Variants in SH3GL1 observed in about 807,000 individuals in gnomAD.
SH3GL1 encodes SH3 domain containing GRB2 like 1, endophilin A2, also known as endophilin-A2.
SH3GL1 carries 21 observed loss-of-function variants against 48.8 expected under a neutral mutation model. That is an observed-to-expected ratio of 0.43 (90% CI 0.30 to 0.62). The LOEUF (loss-of-function observed/expected upper bound fraction) is 0.62, where lower values mean the gene tolerates loss of function less well. SH3GL1 is among the 20% of genes least tolerant of loss of function. SH3GL1 has a pLI of 0.11. For missense variants in SH3GL1, 454 were observed against 503.0 expected (o/e 0.90, Z 0.93); for synonymous variants, 282 against 217.5 (o/e 1.30, Z -2.61).
At position 4,361,492 on chromosome 19, in the gene SH3GL1, G is replaced by A. The variant is rs530458225; in HGVS notation, c.*108C>T. 351 of 849,636 alleles carry A rather than the reference G, an allele frequency of 4.1e-4. 3 individuals are homozygous for A. In the South Asian group the frequency reaches 5.1e-3, roughly 12 times the overall value. 52.6% of individuals were successfully genotyped at this position (849,636 alleles called of 1,614,324 possible). On this transcript the variant is annotated 3_prime_UTR_variant, in exon 10 of 10. Coordinates refer to ENST00000269886, the MANE Select transcript of SH3GL1 (RefSeq NM_003025.4). ...CAAGGGCCGGGGCCCAGGTGGCGCCGGCAGGCTCAGACACCGCCCTGGCAG... is the reference window on the plus strand; with the variant it reads ...CAAGGGCCGGGGCCCAGGTGGCGCCAGCAGGCTCAGACACCGCCCTGGCAG...
At chr19:4,386,033 C>T (rs570893632) in intron 1 of SH3GL1, among the ~76,000 whole-genome samples, 12 of 152,304 alleles carry the variant, frequency 7.9e-5, no homozygotes, top group African/African-American at 2.9e-4. Flanking sequence ...CATCAGAGGC[C>T]TCAGGAGAGG....
Position 4,389,244 on chromosome 19 carries a change from G to A in SH3GL1, c.45+11080C>T, listed in dbSNP as rs1973291686. Among the ~76,000 whole-genome samples the A allele has an allele frequency of 6.6e-6, 1 of 152,234 alleles. No homozygotes were observed. The highest frequency in any genetic ancestry group is 2.4e-5 in the African/African-American group (1 of 41,462). On this transcript the variant is annotated intron_variant, in intron 1 of 9. Transcript: ENST00000269886. This position sits in a 1 kb window ranked among gnomAD's most constrained non-coding sequence, Gnocchi z 4.5. ...CTCAGGAGCTGCCGTCCGATGGGAG[G>A]AGAGCACCTCACACGAACACCAGCG...
intron 1 of SH3GL1, among the ~76,000 whole-genome samples, chr19:4,377,567 G>C (rs775190083): frequency 4.6e-5 from 7 of 152,200 alleles, no homozygotes; most frequent in Non-Finnish European, 8.8e-5. Flanking sequence ...GGCAGGGCAG[G>C]GGGTGGTGAG....
chr19:4,392,697 A>G (rs1410065552), intron 1 of SH3GL1, among the ~76,000 whole-genome samples: 1 of 152,234 alleles, frequency 6.6e-6, no homozygotes, highest in Non-Finnish European at 1.5e-5. Context: ...CTGTAATCCC[A>G]GCACAATGGG....
At chr19:4,365,255 G>T (rs1972748397) in intron 4 of SH3GL1, among the ~76,000 whole-genome samples, 1 of 152,188 alleles carries the variant, frequency 6.6e-6, no homozygotes, top group South Asian at 2.1e-4. Context: ...GGAAGCAGCT[G>T]GCTTGAGTTG....
In SH3GL1 at chr19:4,363,786, C is replaced by T. The variant is rs144819396; in HGVS notation, c.558G>A (p.Ala186=). The change falls in exon 6 of 10, where the codon GCG becomes GCA. Residue 186 remains alanine (A), a synonymous_variant. Transcript: ENST00000269886. ...GKIPDEELRQ[A]LEKFEESKEV... Reference sequence around the variant, plus strand: ...CCTTGGACTCCTCGAACTTCTCCAGCGCCTGGCGTAGCTCCTCATCGGGGA... The same window carrying T: ...CCTTGGACTCCTCGAACTTCTCCAGTGCCTGGCGTAGCTCCTCATCGGGGA... 86 of 1,613,706 alleles carry T rather than the reference C, an allele frequency of 5.3e-5. No individual in the cohort carries two copies. Among genetic ancestry groups the T allele is most frequent in the Middle Eastern group, 1.7e-4 (1 of 5,830 alleles).
rs1035785820 is a variant in SH3GL1, at chr19:4,400,230, C to G, written c.45+94G>C. 2.2e-6 allele frequency: 3 copies of G among 1,337,752 alleles called. No individual in the cohort carries two copies. Among genetic ancestry groups the G allele is most frequent in the Non-Finnish European group, 3.0e-6 (3 of 986,426 alleles). The allele number at this position is 1,337,752 out of a possible 1,614,324, so 82.9% of individuals were successfully genotyped here. A position where few individuals can be genotyped will look rare whatever the true frequency, so the allele number is the denominator to read the frequency against. On this transcript the variant is annotated intron_variant, in intron 1 of 9. Coordinates refer to ENST00000269886, the MANE Select transcript of SH3GL1 (RefSeq NM_003025.4). The surrounding 1 kb of genome is among the most constrained non-coding windows in gnomAD (Gnocchi z 4.1). ...CACGCGCCAACGTCCCCACCTCGGT[C>G]CCCCCGGCCCCCTCCCGGGCCAGGT...
In SH3GL1 at chr19:4,371,502, C is replaced by T. The variant is rs1364824023; in HGVS notation, c.46-4508G>A. On this transcript the variant is annotated intron_variant, in intron 1 of 9. Transcript: ENST00000269886. ...CAGCACGGAACACAAATGCCCGTCT[C>T]GGGCTTGGTGCCCCAGCAGACTATC... Among the ~76,000 whole-genome samples, 5 of 152,224 alleles carry T rather than the reference C, an allele frequency of 3.3e-5. No individual in the cohort carries two copies. In the East Asian group the frequency reaches 5.8e-4, roughly 18 times the overall value.
At chr19:4,362,410 C>T in intron 8 of SH3GL1, 25 bp from the exon 9 acceptor site, 3 of 1,604,976 alleles carry the variant, frequency 1.9e-6, no homozygotes, top group Non-Finnish European at 2.6e-6. Context: ...AACGAGGAGG[C>T]TGTGGGCTCA....
intron 1 of SH3GL1, among the ~76,000 whole-genome samples, chr19:4,370,250 T>C (rs993907771): frequency 1.2e-4 from 19 of 152,290 alleles, no homozygotes; most frequent in African/African-American, 3.4e-4. Context: ...ACTGAGGCCA[T>C]GGTCCCAGCA....
intron 1 of SH3GL1, among the ~76,000 whole-genome samples, chr19:4,378,075 G>T (rs942727118): frequency 6.6e-6 from 1 of 152,222 alleles, no homozygotes. Flanking sequence ...GCAGGGCCAG[G>T]CACAGGGACA....
intron 1 of SH3GL1, among the ~76,000 whole-genome samples, chr19:4,368,338 A>C (rs1042617479): frequency 6.6e-6 from 1 of 152,220 alleles, no homozygotes; most frequent in African/African-American, 2.4e-5. Context: ...AAGTGACCCA[A>C]GAGCAGGAAG....
chr19:4,383,918 T>A (rs1329346109), intron 1 of SH3GL1, among the ~76,000 whole-genome samples: 1 of 152,236 alleles, frequency 6.6e-6, no homozygotes, highest in Non-Finnish European at 1.5e-5. Context: ...TGGCTTTGTT[T>A]GACCTCGGCT....
intron 8 of SH3GL1, 112 bp downstream of exon 8, chr19:4,362,500 G>A: frequency 1.9e-6 from 3 of 1,574,666 alleles, no homozygotes; most frequent in Non-Finnish European, 2.6e-6. Context: ...ATGGAGCACG[G>A]CTGAGAGCTG....
intron 9 of SH3GL1, 132 bp downstream of exon 9, chr19:4,362,197 T>C (rs938374491): frequency 2.6e-5 from 24 of 923,280 alleles, no homozygotes; most frequent in Middle Eastern, 2.4e-4. Context: ...GTGGGGCCTG[T>C]GCCCCCTACT....
intron 2 of SH3GL1, 93 bp from the exon 3 acceptor site, chr19:4,366,666 C>G: frequency 8.1e-7 from 1 of 1,233,558 alleles, no homozygotes; most frequent in Non-Finnish European, 1.2e-6. Flanking sequence ...GCCCTAAGAG[C>G]CCATACCAGG....
chr19:4,365,997 G>A (rs1244734288), intron 3 of SH3GL1, among the ~76,000 whole-genome samples: 2 of 152,184 alleles, frequency 1.3e-5, no homozygotes, highest in Admixed American at 6.5e-5. Context: ...TGTCCCTTCC[G>A]CTGCCCGCTT....
intron 1 of SH3GL1, among the ~76,000 whole-genome samples, chr19:4,383,392 A>T (rs1228638574): frequency 1.2e-4 from 18 of 148,004 alleles, no homozygotes; most frequent in East Asian, 2.0e-4. Context: ...TTTTTTTTTT[A>T]TTTTTTATTT....
intron 1 of SH3GL1, among the ~76,000 whole-genome samples, chr19:4,382,927 T>C (rs904931368): frequency 2.0e-5 from 3 of 152,096 alleles, no homozygotes; most frequent in Admixed American, 6.5e-5. Context: ...GTATTTCATT[T>C]TTTCTTTTTG....
Sources: allele counts gnomAD v4.1 joint callset (sites outside exome capture counted in the v4.1 genomes callset), GRCh38; gene constraint gnomAD v4.1.1; non-coding constraint Gnocchi (gnomAD v3.1); transcripts MANE v1.5; gene names NCBI Gene and HGNC (gene_info 2026-07-23, HGNC 2026-07-21).